MGAT4C: variants seen among roughly 807,000 people sequenced by gnomAD.
The protein encoded by MGAT4C is MGAT4 family member C.
In MGAT4C, 19 loss-of-function variants were observed where a neutral mutation model predicts 40.1. The observed-to-expected ratio is 0.47, with a 90% CI of 0.33 to 0.70. The LOEUF (loss-of-function observed/expected upper bound fraction) is 0.70. Ranked by LOEUF, MGAT4C falls within the 30% of genes least tolerant of loss-of-function variation. MGAT4C has a pLI of 0.02. For synonymous variants in MGAT4C, 181 were observed against 187.1 expected (o/e 0.97, Z 0.27); for missense variants, 491 against 563.2 (o/e 0.87, Z 1.30).
intron 1 of MGAT4C, among the ~76,000 whole-genome samples, chr12:86,785,182 C>T (rs1333946376): frequency 2.6e-5 from 4 of 151,988 alleles, no homozygotes. Flanking sequence ...TATGAGAAAA[C>T]TAAGCTATCA....
chr12:86,509,998 C>T (rs928101515), intron 2 of MGAT4C, among the ~76,000 whole-genome samples: 4 of 152,126 alleles, frequency 2.6e-5, no homozygotes, highest in East Asian at 1.9e-4. Context: ...ACAGTCATGT[C>T]GTCTGCAAAC....
intron 2 of MGAT4C, among the ~76,000 whole-genome samples, chr12:86,542,694 CA>C (rs1390396679): frequency 1.3e-5 from 2 of 152,100 alleles, no homozygotes. Context: ...GCTAAATAAG[CA>C]TGGAATTAAT....
chr12:86,125,742 T>C (rs560485002), intron 1 of MGAT4C, among the ~76,000 whole-genome samples: 29 of 152,164 alleles, frequency 1.9e-4, no homozygotes, highest in Middle Eastern at 3.4e-3. Flanking sequence ...GCAAGTTGTA[T>C]GTGATAAACT....
chr12:86,086,245 T>C (rs943639198), intron 1 of MGAT4C, among the ~76,000 whole-genome samples: 3 of 152,086 alleles, frequency 2.0e-5, no homozygotes, highest in Non-Finnish European at 4.4e-5. Context: ...TGCAAGGACA[T>C]GGATGAAGCT....
At chr12:86,228,399 C>A (rs1400153664) in intron 1 of MGAT4C, among the ~76,000 whole-genome samples, 1 of 151,702 alleles carries the variant, frequency 6.6e-6, no homozygotes, top group Admixed American at 6.6e-5. Context: ...ATAAATAAAT[C>A]TAAAATGCAC....
chr12:86,477,773 G>A (rs1172986676), intron 2 of MGAT4C, among the ~76,000 whole-genome samples: 1 of 151,916 alleles, frequency 6.6e-6, no homozygotes, highest in Non-Finnish European at 1.5e-5. Context: ...AGGCCCCGGT[G>A]TGTGATGTTC....
rs112490686 is a variant in MGAT4C at position 86,497,504 on chromosome 12, T to A, written c.-228-62239A>T. On this transcript the variant is annotated intron_variant, in intron 2 of 7. Coordinates refer to the MGAT4C transcript ENST00000548651. ...GTTCAGACCTAATCAAATTCCTCTT[T>A]ACCAGAAATGGATTTTGACCCCCTT... Among the ~76,000 whole-genome samples, 517 of 152,050 alleles carry A rather than the reference T, an allele frequency of 3.4e-3. 2 individuals are homozygous for A. The highest frequency in any genetic ancestry group is 0.012 in the African/African-American group (497 of 41,538).
At chr12:85,987,210 C>A in intron 3 of MGAT4C, among the ~76,000 whole-genome samples, 1 of 133,006 alleles carries the variant, frequency 7.5e-6, no homozygotes, top group Non-Finnish European at 1.5e-5. Flanking sequence ...GATCTCGGCT[C>A]ACTGCAAGCT....
intron 1 of MGAT4C, among the ~76,000 whole-genome samples, chr12:86,773,028 G>A (rs546529917): frequency 1.3e-5 from 2 of 152,226 alleles, no homozygotes; most frequent in South Asian, 4.2e-4. Context: ...ATACATTTGT[G>A]GGGGGCAGAG....
At chr12:86,017,793 A>G (rs74421920) in intron 2 of MGAT4C, among the ~76,000 whole-genome samples, 2,316 of 152,230 alleles carry the variant, frequency 0.015, 23 homozygotes, top group Middle Eastern at 0.037. Context: ...GAGAAATAAC[A>G]TTTTTAACTG....
chr12:86,178,473 T>G (rs1593157096), intron 1 of MGAT4C, among the ~76,000 whole-genome samples: 1 of 152,200 alleles, frequency 6.6e-6, no homozygotes, highest in African/African-American at 2.4e-5. Flanking sequence ...TCCTCCCTGC[T>G]TTTGCTATTC....
intron 1 of MGAT4C, among the ~76,000 whole-genome samples, chr12:86,789,999 G>T (rs575159853): frequency 1.4e-4 from 22 of 152,168 alleles, no homozygotes; most frequent in African/African-American, 5.1e-4. Context: ...TTATAATGTG[G>T]TGTCATTCAT....
intron 2 of MGAT4C, among the ~76,000 whole-genome samples, chr12:86,032,700 A>T (rs1281425626): frequency 6.7e-6 from 1 of 149,126 alleles, no homozygotes; most frequent in Non-Finnish European, 1.5e-5. Flanking sequence ...AACATTTTCT[A>T]CCATTTTTTG....
chr12:86,170,947 T>C (rs1253430638), intron 1 of MGAT4C, among the ~76,000 whole-genome samples: 1 of 152,142 alleles, frequency 6.6e-6, no homozygotes, highest in African/African-American at 2.4e-5. Flanking sequence ...AATGGTTATA[T>C]ATTTTAATCA....
chr12:86,741,468 A>T (rs1425168815), intron 1 of MGAT4C, among the ~76,000 whole-genome samples: 1 of 151,396 alleles, frequency 6.6e-6, no homozygotes, highest in Non-Finnish European at 1.5e-5. Context: ...CAGTAACTAA[A>T]CAAAAAAGTG....
chr12:86,212,824 G>A (rs368883457), intron 1 of MGAT4C, among the ~76,000 whole-genome samples: 32 of 85,484 alleles, frequency 3.7e-4, no homozygotes, highest in African/African-American at 1.1e-3. Flanking sequence ...CCCGGGAGGC[G>A]GAGCTTGCAG....
chr12:86,825,601 A>G (rs1476660081), intron 1 of MGAT4C, among the ~76,000 whole-genome samples: 1 of 151,510 alleles, frequency 6.6e-6, no homozygotes, highest in Non-Finnish European at 1.5e-5. Flanking sequence ...ATACATTTGT[A>G]GGAAATACAA....
chr12:86,344,717 G>GGTGTGTGTGTGTGTGTGTGTGT (rs71076188), intron 3 of MGAT4C, among the ~76,000 whole-genome samples: 3 of 139,520 alleles, frequency 2.2e-5, no homozygotes, highest in Admixed American at 1.5e-4. Flanking sequence ...ATCTCTTCTC[G>GGTGTGTGTGTGTGTGTGTGTGT]GTGTGTGTGT....
At chr12:86,506,307 T>C (rs539488424) in intron 2 of MGAT4C, among the ~76,000 whole-genome samples, 30 of 152,234 alleles carry the variant, frequency 2.0e-4, no homozygotes, top group East Asian at 1.9e-4. Context: ...AAATAATAGG[T>C]AAATGAAAGT....
Sources: allele counts gnomAD v4.1 joint callset (sites outside exome capture counted in the v4.1 genomes callset), GRCh38; gene constraint gnomAD v4.1.1; transcripts MANE v1.5; gene names NCBI Gene and HGNC (gene_info 2026-07-23, HGNC 2026-07-21).